Variants in CSMD3 observed in about 807,000 individuals in gnomAD.
CSMD3 encodes the protein CUB and sushi domain-containing protein 3.
CSMD3 carries 177 observed loss-of-function variants against 435.2 expected under a neutral mutation model. The observed-to-expected ratio is 0.41, with a 90% CI of 0.36 to 0.46. The LOEUF is 0.46. CSMD3 is among the 20% of genes least tolerant of loss of function. The pLI is 0.34. For synonymous variants in CSMD3, 1,656 were observed against 1,520.5 expected (o/e 1.09, Z -2.07); for missense variants, 4,265 against 4,504.6 (o/e 0.95, Z 1.52).
chr8:112,254,118 C>T, intron 63 of CSMD3, 135 bp downstream of exon 63: 25 of 742,654 alleles, frequency 3.4e-5, no homozygotes, highest in South Asian at 1.1e-4. Flanking sequence ...CTTTTGCTGT[C>T]TGTTACCCTT....
intron 11 of CSMD3, among the ~76,000 whole-genome samples, chr8:112,858,452 A>G (rs16884155): frequency 0.04 from 6,133 of 151,864 alleles, 417 homozygotes; most frequent in African/African-American, 0.14. Context: ...AAGATTTGAG[A>G]GAAATGATGA....
intron 32 of CSMD3, among the ~76,000 whole-genome samples, chr8:112,455,731 A>C (rs928749312): frequency 6.6e-6 from 1 of 151,992 alleles, no homozygotes; most frequent in Non-Finnish European, 1.5e-5. Flanking sequence ...GGAAACTGAG[A>C]CCCAAAGACA....
intron 9 of CSMD3, among the ~76,000 whole-genome samples, chr8:112,942,497 T>G (rs1338681883): frequency 1.3e-5 from 2 of 151,470 alleles, no homozygotes; most frequent in Non-Finnish European, 3.0e-5. Flanking sequence ...ATAAAGAAAA[T>G]ATGGTACATA....
At chr8:113,193,592 T>C (rs2092615012) in intron 3 of CSMD3, among the ~76,000 whole-genome samples, 1 of 151,504 alleles carries the variant, frequency 6.6e-6, no homozygotes, top group Non-Finnish European at 1.5e-5. Context: ...TATGCATTCA[T>C]ACCATTTAAA....
At position 113,084,579 on chromosome 8, in the gene CSMD3, T is replaced by G. The variant is rs556732149; in HGVS notation, c.917+14177A>C. 2.5e-5 allele frequency among the ~76,000 whole-genome samples: 3 copies of G among 119,540 alleles called. No homozygotes were observed. In the South Asian group the frequency reaches 7.5e-4, roughly 30 times the overall value. 78.4% of individuals were successfully genotyped at this position (119,540 alleles called of 152,430 possible). On this transcript the variant is annotated intron_variant, in intron 5 of 70. Transcript: ENST00000297405. ...CTCTATCAAAATACCAATGACATTC[T>G]AAATATAAAAAATATAAAAAAATTC... is the stretch of plus-strand genomic sequence containing the variant.
At chr8:113,350,221 A>G (rs1008996142) in intron 1 of CSMD3, among the ~76,000 whole-genome samples, 7 of 152,078 alleles carry the variant, frequency 4.6e-5, no homozygotes, top group Non-Finnish European at 4.4e-5. Context: ...CAGACAGCCC[A>G]GAGAATGGTA....
intron 13 of CSMD3, among the ~76,000 whole-genome samples, chr8:112,747,961 T>TCAAAAAAAAAAAAAAA (rs2077475954): frequency 2.2e-5 from 1 of 46,090 alleles, no homozygotes; most frequent in Non-Finnish European, 3.5e-5. Flanking sequence ...AGACTCCGTC[T>TCAAAAAAAAAAAAAAA]CAAAAAAAAA....
intron 6 of CSMD3, among the ~76,000 whole-genome samples, chr8:113,011,821 A>G (rs2086265435): frequency 6.6e-6 from 1 of 151,812 alleles, no homozygotes; most frequent in Non-Finnish European, 1.5e-5. Flanking sequence ...TAGACAGACC[A>G]ATGATTATTT....
chr8:113,173,004 G>A (rs2092292738), intron 4 of CSMD3, among the ~76,000 whole-genome samples: 2 of 152,018 alleles, frequency 1.3e-5, no homozygotes, highest in Admixed American at 1.3e-4. Flanking sequence ...TAATAGTATT[G>A]ATAGTAAACA....
chr8:112,939,720 C>T (rs920887795), intron 9 of CSMD3, among the ~76,000 whole-genome samples: 1 of 151,680 alleles, frequency 6.6e-6, no homozygotes, highest in East Asian at 1.9e-4. Flanking sequence ...GATTACAAAC[C>T]CTTGAAAGGA....
At chr8:112,725,300 A>G (rs2076939636) in intron 13 of CSMD3, among the ~76,000 whole-genome samples, 2 of 151,934 alleles carry the variant, frequency 1.3e-5, no homozygotes, top group South Asian at 4.1e-4. Context: ...TTAGTGTGCT[A>G]GTGGAAAGGA....
At chr8:112,553,944 T>C (rs1323849327) in intron 25 of CSMD3, among the ~76,000 whole-genome samples, 1 of 151,896 alleles carries the variant, frequency 6.6e-6, no homozygotes, top group Non-Finnish European at 1.5e-5. Context: ...TTTATAGGTA[T>C]GGATAACATC....
intron 1 of CSMD3, among the ~76,000 whole-genome samples, chr8:113,337,230 C>T (rs1051816096): frequency 2.6e-5 from 4 of 152,064 alleles, no homozygotes; most frequent in African/African-American, 9.7e-5. Flanking sequence ...AGTCAATCTG[C>T]CTTTTTTCCC....
At chr8:113,157,124 G>T (rs2091950081) in intron 4 of CSMD3, among the ~76,000 whole-genome samples, 1 of 152,064 alleles carries the variant, frequency 6.6e-6, no homozygotes, top group Non-Finnish European at 1.5e-5. Flanking sequence ...AATATAAAAT[G>T]GTGCAGTCAC....
At chr8:112,593,219 A>T (rs1831350374) in intron 22 of CSMD3, among the ~76,000 whole-genome samples, 1 of 152,198 alleles carries the variant, frequency 6.6e-6, no homozygotes. Context: ...TTTTAAAAAG[A>T]GAAAAACATG....
At chr8:112,812,168 C>T (rs1304056041) in intron 12 of CSMD3, among the ~76,000 whole-genome samples, 1 of 152,128 alleles carries the variant, frequency 6.6e-6, no homozygotes, top group African/African-American at 2.4e-5. Flanking sequence ...TAGATAGAAA[C>T]ACCTGAAACT....
At chr8:112,263,583 G>T (rs2130378107) in intron 61 of CSMD3, 56 bp downstream of exon 61, 5 of 1,411,284 alleles carry the variant, frequency 3.5e-6, no homozygotes, top group Non-Finnish European at 5.0e-6. Flanking sequence ...TCTCATATTT[G>T]GTCTAGAAAA....
chr8:113,030,417 T>TAAAAAAAAAAAAA (rs35890606), intron 5 of CSMD3, among the ~76,000 whole-genome samples: 2 of 24,350 alleles, frequency 8.2e-5, no homozygotes, highest in Admixed American at 5.5e-4. Context: ...TTGGTACTGG[T>TAAAAAAAAAAAAA]AAAAAAAAAA....
intron 3 of CSMD3, among the ~76,000 whole-genome samples, chr8:113,247,978 T>A (rs560809476): frequency 3.0e-4 from 45 of 151,992 alleles, no homozygotes; most frequent in Non-Finnish European, 5.6e-4. Context: ...GAAGATTAAG[T>A]CAACAAATAA....
Sources: gnomAD v4.1 joint callset for allele counts (sites outside exome capture counted in the v4.1 genomes callset) on GRCh38, gnomAD v4.1.1 for gene constraint, MANE v1.5 for transcripts, NCBI Gene and HGNC (gene_info 2026-07-23, HGNC 2026-07-21) for gene names.